The following YTHDF1 variants were observed in gnomAD, a reference collection of about 807,000 sequenced individuals.
The protein encoded by YTHDF1 is YTH N6-methyladenosine RNA binding protein F1.
YTHDF1 carries 16 observed loss-of-function variants against 49.1 expected under a neutral mutation model. That is an observed-to-expected ratio of 0.33 (90% CI 0.22 to 0.49). The LOEUF is 0.49. Ranked by LOEUF, YTHDF1 falls within the 20% of genes least tolerant of loss-of-function variation. YTHDF1 has a pLI of 0.99. For missense variants in YTHDF1, 621 were observed against 744.3 expected, an observed-to-expected ratio of 0.83 and a Z score of 1.93; for synonymous variants, 313 against 290.1, an observed-to-expected ratio of 1.08 and a Z score of -0.80.
At chr20:63,201,989 C>T (rs1488230444) in intron 4 of YTHDF1, among the ~76,000 whole-genome samples, 1 of 152,252 alleles carries the variant, frequency 6.6e-6, no homozygotes, top group Non-Finnish European at 1.5e-5. Flanking sequence ...TTCTTTGTAA[C>T]AGAAAAACAG....
chr20:63,207,621 G>A (rs551579241), intron 3 of YTHDF1, among the ~76,000 whole-genome samples: 2 of 152,330 alleles, frequency 1.3e-5, no homozygotes, highest in South Asian at 4.1e-4. Context: ...TTACTCTGCA[G>A]CCGCCTCCAC....
chr20:63,213,907 T>C lies in YTHDF1; in HGVS notation c.89A>G (p.His30Arg). ...NGSLHQKDTV[H>R]DNDFEPYLTG... ...AAGGTAGGGCTCAAAGTCATTGTCATGAACTGTATCCTTCTGATGTAACGA... is the reference window on the plus strand; with the variant it reads ...AAGGTAGGGCTCAAAGTCATTGTCACGAACTGTATCCTTCTGATGTAACGA... Residue 30 changes from histidine (H) to arginine (R), a missense_variant, in exon 3 of 5, where the codon CAT becomes CGT. His to Arg is a conservative substitution (Grantham distance 29). This residue lies in a region of YTHDF1 where 470 missense variants were observed against 495.8 expected (regional missense o/e 0.95). Transcript: ENST00000370339. 1 of 1,579,234 alleles carries C rather than the reference T, an allele frequency of 6.3e-7. No individual in the cohort carries two copies. The highest frequency in any genetic ancestry group is 8.5e-7 in the Non-Finnish European group (1 of 1,170,394).
chr20:63,207,231 G>C (rs1455610557), intron 3 of YTHDF1, among the ~76,000 whole-genome samples: 1 of 152,200 alleles, frequency 6.6e-6, no homozygotes, highest in Non-Finnish European at 1.5e-5. Context: ...CACTTTGGGA[G>C]GCTGAGGTGG....
intron 3 of YTHDF1, among the ~76,000 whole-genome samples, chr20:63,211,410 A>G (rs2066573514): frequency 6.6e-6 from 1 of 152,106 alleles, no homozygotes; most frequent in Non-Finnish European, 1.5e-5. Context: ...GGCTGCAGTG[A>G]GCCATGATCA....
At chr20:63,205,272 CTG>C (rs1287409002) in intron 3 of YTHDF1, among the ~76,000 whole-genome samples, 1 of 152,188 alleles carries the variant, frequency 6.6e-6, no homozygotes, top group East Asian at 1.9e-4. Context: ...ATGAGGGAGA[CTG>C]TGGGATCCCA....
Position 63,203,680 on chromosome 20 carries a change from G to C in YTHDF1, c.260C>G (p.Thr87Ser). 2 of 1,614,218 alleles carry C rather than the reference G, an allele frequency of 1.2e-6. No individual in the cohort carries two copies. Among genetic ancestry groups the C allele is most frequent in the Non-Finnish European group, 1.7e-6 (2 of 1,180,050 alleles). Residue 87 changes from threonine to serine, a missense_variant, in exon 4 of 5, where the codon ACC (threonine) becomes AGC (serine). By Grantham distance (58) the Thr-to-Ser change is moderately conservative. Transcript: ENST00000370339. The surrounding 1 kb of genome is among the most constrained non-coding windows in gnomAD (Gnocchi z 4.4). ...TAGDPPIPYL[T>S]TYGQLSNGDH... Reference sequence around the variant, plus strand: ...TCCGTTACTGAGCTGTCCGTAGGTGGTGAGGTATGGAATCGGAGGGTCCCC... The same window carrying C: ...TCCGTTACTGAGCTGTCCGTAGGTGCTGAGGTATGGAATCGGAGGGTCCCC...
chr20:63,201,369 T>C (rs2066516526), intron 4 of YTHDF1, among the ~76,000 whole-genome samples: 1 of 152,172 alleles, frequency 6.6e-6, no homozygotes, highest in Non-Finnish European at 1.5e-5. Flanking sequence ...TCAACTGACA[T>C]TTCAGGAAGG....
At position 63,215,970 on chromosome 20, in the gene YTHDF1, G is replaced by A; in HGVS notation, c.-78C>T. On this transcript the variant is annotated 5_prime_UTR_variant, in exon 1 of 5. Coordinates refer to ENST00000370339, the MANE Select transcript of YTHDF1 (RefSeq NM_017798.4). ...CCTAGAGGCCGGGCCTGTCACCCTAGCTCGCGCGGCCCCGGGCCCCGCCGC... is the reference window on the plus strand; with the variant it reads ...CCTAGAGGCCGGGCCTGTCACCCTAACTCGCGCGGCCCCGGGCCCCGCCGC... 1 of 1,176,510 alleles carries A rather than the reference G, an allele frequency of 8.5e-7. No homozygotes were observed. The highest frequency in any genetic ancestry group is 1.1e-6 in the Non-Finnish European group (1 of 951,104). 72.9% of individuals were successfully genotyped at this position (1,176,510 alleles called of 1,614,324 possible).
intron 3 of YTHDF1, among the ~76,000 whole-genome samples, chr20:63,209,223 C>T (rs1294142617): frequency 9.9e-5 from 15 of 152,192 alleles, no homozygotes; most frequent in Non-Finnish European, 1.6e-4. Flanking sequence ...CACTGGACAC[C>T]ACTGTCACCT....
chr20:63,199,160 C>T (rs1412767158), intron 4 of YTHDF1, among the ~76,000 whole-genome samples: 1 of 152,198 alleles, frequency 6.6e-6, no homozygotes, highest in Non-Finnish European at 1.5e-5. Context: ...CTTGAGAAAA[C>T]CGCCCGGGGG....
intron 4 of YTHDF1, among the ~76,000 whole-genome samples, chr20:63,200,274 T>C (rs1272856285): frequency 6.6e-6 from 1 of 151,332 alleles, no homozygotes; most frequent in Non-Finnish European, 1.5e-5. Flanking sequence ...GGCAGGAAAA[T>C]GGCCTGAACC....
chr20:63,199,199 C>T (rs1301009564), intron 4 of YTHDF1, among the ~76,000 whole-genome samples: 1 of 152,250 alleles, frequency 6.6e-6, no homozygotes. Flanking sequence ...ACAACCCTCT[C>T]CTCGGCACAC....
intron 4 of YTHDF1, among the ~76,000 whole-genome samples, chr20:63,199,991 C>A (rs1160171851): frequency 6.6e-5 from 10 of 152,000 alleles, no homozygotes; most frequent in Non-Finnish European, 1.5e-5. Context: ...GAGGTCAAGG[C>A]TACAACAAGC....
In YTHDF1 at chr20:63,207,124, C is replaced by T. The variant is rs562556884; in HGVS notation, c.133-3317G>A. 3.9e-5 allele frequency among the ~76,000 whole-genome samples: 6 copies of T among 152,356 alleles called. No individual in the cohort carries two copies. The South Asian group carries it at 1.2e-3, about 32-fold the overall frequency. ...GCTCCCTCAACATTCCTTAGTGCCA[C>T]GGCTCCATGGGCACTGAGTTATGAG... On this transcript the variant is annotated intron_variant, in intron 3 of 4. Transcript: ENST00000370339.
Position 63,203,917 on chromosome 20 carries a change from A to G in YTHDF1, c.133-110T>C. Reference sequence around the variant, plus strand: ...GGAGCAAAAACAAAACCTGCACAGCATGGGGCTACTCCTTCCAGAAAGAAA... The same window carrying G: ...GGAGCAAAAACAAAACCTGCACAGCGTGGGGCTACTCCTTCCAGAAAGAAA... On this transcript the variant is annotated intron_variant, in intron 3 of 4. Transcript: ENST00000370339. The surrounding 1 kb of genome is among the most constrained non-coding windows in gnomAD (Gnocchi z 4.4). The G allele has an allele frequency of 3.0e-6, 3 of 992,750 alleles. No homozygotes were observed. The highest frequency in any genetic ancestry group is 4.4e-6 in the Non-Finnish European group (3 of 686,836). The allele number at this position is 992,750 out of a possible 1,614,324, so 61.5% of individuals were successfully genotyped here.
At chr20:63,215,478 A>G (rs2066597100) in intron 2 of YTHDF1, 99 bp downstream of exon 2, 2 of 1,525,608 alleles carry the variant, frequency 1.3e-6, no homozygotes, top group African/African-American at 2.7e-5. Context: ...AGCTGGCGGA[A>G]GAGAGAAAGT....
Position 63,215,859 on chromosome 20 carries a change from C to T in YTHDF1, c.27+7G>A, listed in dbSNP as rs1422231974. 1.2e-5 allele frequency: 17 copies of T among 1,457,414 alleles called. No homozygotes were observed. Among genetic ancestry groups the T allele is most frequent in the Non-Finnish European group, 1.4e-5 (16 of 1,105,664 alleles). 90.3% of individuals were successfully genotyped at this position (1,457,414 alleles called of 1,614,324 possible). On this transcript the variant is annotated splice_region_variant and intron_variant, in intron 1 of 4. Coordinates refer to ENST00000370339, the MANE Select transcript of YTHDF1 (RefSeq NM_017798.4). ...CGGCCGCGGCCCCTGTAACCCGGCCCCGCTACCTGGGTGTCCACGCTGGTG... is the reference window on the plus strand; with the variant it reads ...CGGCCGCGGCCCCTGTAACCCGGCCTCGCTACCTGGGTGTCCACGCTGGTG...
intron 4 of YTHDF1, among the ~76,000 whole-genome samples, chr20:63,199,202 C>T (rs571845799): frequency 1.2e-4 from 18 of 152,346 alleles, no homozygotes; most frequent in Non-Finnish European, 2.5e-4. Context: ...ACCCTCTCCT[C>T]GGCACACTAC....
intron 1 of YTHDF1, 45 bp from the exon 2 acceptor site, chr20:63,215,646 G>A (rs765335841): frequency 1.1e-5 from 17 of 1,580,706 alleles, no homozygotes; most frequent in South Asian, 2.3e-5. Flanking sequence ...CAACCCGGGG[G>A]AAGAGGGAAA....
Sources: gnomAD v4.1 joint callset for allele counts (sites outside exome capture counted in the v4.1 genomes callset) on GRCh38, gnomAD v4.1.1 for gene constraint, gnomAD v4.1.1 regional missense constraint, Gnocchi (gnomAD v3.1) non-coding constraint, MANE v1.5 for transcripts, NCBI Gene and HGNC (gene_info 2026-07-23, HGNC 2026-07-21) for gene names.